Variants in METTL15 observed in about 807,000 individuals in gnomAD.
The protein encoded by METTL15 is 12S rRNA N(4)-cytidine methyltransferase METTL15.
METTL15 carries 34 observed loss-of-function variants against 38.3 expected under a neutral mutation model. That is an observed-to-expected ratio of 0.89 (90% CI 0.68 to 1.18). METTL15 has a LOEUF of 1.18. Ranked by LOEUF, METTL15 falls within the 50% of genes most tolerant of loss-of-function variation. The pLI is 0.00. For missense variants in METTL15, 438 were observed against 498.4 expected, an observed-to-expected ratio of 0.88 and a Z score of 1.15; for synonymous variants, 162 against 170.9, an observed-to-expected ratio of 0.95 and a Z score of 0.41.
At chr11:28,215,880 G>A (rs1483500519) in intron 4 of METTL15, among the ~76,000 whole-genome samples, 1 of 152,008 alleles carries the variant, frequency 6.6e-6, no homozygotes, top group Non-Finnish European at 1.5e-5. Flanking sequence ...ACAGAGAAAT[G>A]GTGGTGTGCA....
intron 4 of METTL15, among the ~76,000 whole-genome samples, chr11:28,356,344 A>G (rs1037819068): frequency 6.6e-6 from 1 of 152,224 alleles, no homozygotes; most frequent in Admixed American, 6.5e-5. Context: ...AGTAGCTAGC[A>G]CAGTGCCTGG....
chr11:28,113,296 A>G, intron 2 of METTL15, 22 bp from the exon 3 acceptor site: 3 of 1,457,464 alleles, frequency 2.1e-6, no homozygotes, highest in Non-Finnish European at 1.9e-6. Flanking sequence ...TCCAACAATC[A>G]TATTTTAATT....
chr11:28,127,206 T>A (rs1294168697), intron 3 of METTL15, among the ~76,000 whole-genome samples: 1 of 152,072 alleles, frequency 6.6e-6, no homozygotes, highest in Non-Finnish European at 1.5e-5. Flanking sequence ...CTTATGAGGC[T>A]TTTGTCCAGA....
At chr11:28,438,976 C>G (rs1478495607) in intron 6 of METTL15, among the ~76,000 whole-genome samples, 1 of 151,014 alleles carries the variant, frequency 6.6e-6, no homozygotes, top group Non-Finnish European at 1.5e-5. Flanking sequence ...CGCGCCCAGC[C>G]AGACCACATT....
At chr11:28,220,310 A>T (rs1206033841) in intron 4 of METTL15, among the ~76,000 whole-genome samples, 3 of 152,144 alleles carry the variant, frequency 2.0e-5, no homozygotes, top group Non-Finnish European at 4.4e-5. Context: ...CTTTACCATT[A>T]TGTAATGGGC....
chr11:28,330,840 A>G lies in METTL15; in HGVS notation c.1223A>G (p.Ter408=). 2.0e-6 allele frequency: 3 copies of G among 1,531,214 alleles called. No individual in the cohort carries two copies. Among genetic ancestry groups the G allele is most frequent in the Non-Finnish European group, 2.6e-6 (3 of 1,139,918 alleles). The allele number at this position is 1,531,214 out of a possible 1,614,324, so 94.9% of individuals were successfully genotyped here. The change falls in exon 7 of 7, where the codon TAA becomes TGA. Residue 408 remains the stop codon, a stop_retained_variant. Transcript: ENST00000407364. ...SAKLRAAIKL[*] is the part of the protein sequence containing the mutation. ...AAGCTTAGAGCAGCTATCAAATTAT[A>G]AGTTATCATCATCTTATTCTTCAAA... is the stretch of plus-strand genomic sequence containing the variant.
rs547136469 is a variant in METTL15 at position 28,355,747 on chromosome 11, A to G, written c.*258+3589A>G. Among the ~76,000 whole-genome samples the G allele has an allele frequency of 6.1e-4, 93 of 152,204 alleles. 3 individuals are homozygous for G. In the South Asian group the frequency reaches 0.019, roughly 31 times the overall value. ...GACTTTAGCATTGTTGGATTTTGGT[A>G]TTTGCCAGGGGAGGGGGTGGTGGTA... On this transcript the variant is annotated intron_variant and NMD_transcript_variant, in intron 4 of 7. Transcript: ENST00000532947.
intron 4 of METTL15, among the ~76,000 whole-genome samples, chr11:28,360,993 A>AT (rs371851509): frequency 6.6e-6 from 1 of 151,900 alleles, no homozygotes; most frequent in African/African-American, 2.4e-5. Flanking sequence ...TGAACTCATC[A>AT]TTTTTTTATG....
intron 3 of METTL15, among the ~76,000 whole-genome samples, chr11:28,166,562 G>C (rs1463496751): frequency 6.6e-6 from 1 of 152,138 alleles, no homozygotes; most frequent in Non-Finnish European, 1.5e-5. Flanking sequence ...GAATTCTAGA[G>C]AACTTACGTT....
downstream of METTL15, among the ~76,000 whole-genome samples, chr11:28,530,868 A>G (rs1851840170): frequency 1.3e-5 from 2 of 152,088 alleles, no homozygotes; most frequent in Admixed American, 1.3e-4. Context: ...TCAAAACTTA[A>G]TATGTCTCTC....
chr11:28,243,836 C>A (rs902790101), intron 4 of METTL15, among the ~76,000 whole-genome samples: 4 of 152,096 alleles, frequency 2.6e-5, no homozygotes, highest in African/African-American at 7.2e-5. Context: ...TTCAATAAAT[C>A]TTTGTTTTAG....
At chr11:28,522,983 T>C (rs1851776493) in intron 6 of METTL15, among the ~76,000 whole-genome samples, 1 of 152,238 alleles carries the variant, frequency 6.6e-6, no homozygotes, top group South Asian at 2.1e-4. Context: ...TTCAGAAAAC[T>C]AGCAAATTTG....
At chr11:28,224,590 T>G (rs540845518) in intron 4 of METTL15, among the ~76,000 whole-genome samples, 1 of 152,002 alleles carries the variant, frequency 6.6e-6, no homozygotes, top group African/African-American at 2.4e-5. Context: ...TGGATTCTAC[T>G]TATATATTAT....
At chr11:28,143,682 G>A (rs111541228) in intron 3 of METTL15, among the ~76,000 whole-genome samples, 2 of 152,196 alleles carry the variant, frequency 1.3e-5, no homozygotes, top group South Asian at 4.1e-4. Context: ...GAAAGTCAGA[G>A]AACAGTTATG....
intron 4 of METTL15, among the ~76,000 whole-genome samples, chr11:28,241,942 G>A (rs1195750804): frequency 6.6e-6 from 1 of 152,128 alleles, no homozygotes; most frequent in African/African-American, 2.4e-5. Context: ...AAGTGAAATG[G>A]GAAATCATTG....
chr11:28,132,629 A>G (rs992163550), intron 3 of METTL15, among the ~76,000 whole-genome samples: 5 of 152,118 alleles, frequency 3.3e-5, no homozygotes, highest in African/African-American at 4.8e-5. Context: ...AACTGAGTTT[A>G]TATTTACCCT....
chr11:28,287,741 A>T (rs1364438192), intron 4 of METTL15: 1 of 152,586 alleles, frequency 6.6e-6, no homozygotes, highest in Non-Finnish European at 1.5e-5. Flanking sequence ...TCTTGCAGAT[A>T]AGGTTACCTA....
At chr11:28,135,195 AAAAC>A (rs1849475432) in intron 3 of METTL15, among the ~76,000 whole-genome samples, 1 of 152,216 alleles carries the variant, frequency 6.6e-6, no homozygotes, top group Admixed American at 6.5e-5. Flanking sequence ...ATTTTTGTGA[AAAAC>A]AAATCATGAT....
At chr11:28,383,396 T>G (rs1007178931) in intron 5 of METTL15, among the ~76,000 whole-genome samples, 5 of 152,216 alleles carry the variant, frequency 3.3e-5, no homozygotes, top group African/African-American at 1.2e-4. Flanking sequence ...TTCTACATCT[T>G]TGGTATTGTG....
Sources: gnomAD v4.1 joint callset for allele counts (sites outside exome capture counted in the v4.1 genomes callset) on GRCh38, gnomAD v4.1.1 for gene constraint, MANE v1.5 for transcripts, NCBI Gene and HGNC (gene_info 2026-07-23, HGNC 2026-07-21) for gene names.